The following NELL1 variants were observed in gnomAD, a reference collection of about 807,000 sequenced individuals.
The protein encoded by NELL1 is protein kinase C-binding protein NELL1.
In NELL1, 76 loss-of-function variants were observed where a neutral mutation model predicts 107.4. That is an observed-to-expected ratio of 0.71 (90% confidence interval 0.59 to 0.86). The LOEUF (loss-of-function observed/expected upper bound fraction) is 0.86. NELL1 is among the 40% of genes least tolerant of loss of function. The pLI, the probability that NELL1 is intolerant of heterozygous loss-of-function variation, is 0.00. For synonymous variants in NELL1, 353 were observed against 341.2 expected (o/e 1.03, Z -0.38); for missense variants, 1,024 against 1,005.5 (o/e 1.02, Z -0.25).
chr11:20,905,157 T>C (rs368432654), intron 5 of NELL1, among the ~76,000 whole-genome samples: 1 of 151,998 alleles, frequency 6.6e-6, no homozygotes, highest in African/African-American at 2.4e-5. Context: ...CTTTATAACA[T>C]AAGATTAGGA....
chr11:21,268,255 A>G (rs1451385873), intron 14 of NELL1, among the ~76,000 whole-genome samples: 1 of 152,146 alleles, frequency 6.6e-6, no homozygotes, highest in Non-Finnish European at 1.5e-5. Context: ...GGCGATAGAG[A>G]GGCCCTCACA....
chr11:21,275,401 A>T (rs535760105), intron 14 of NELL1, among the ~76,000 whole-genome samples: 1 of 152,328 alleles, frequency 6.6e-6, no homozygotes, highest in South Asian at 2.1e-4. Context: ...AATTGAGGCA[A>T]TAATTAATAG....
intron 3 of NELL1, among the ~76,000 whole-genome samples, chr11:20,806,800 G>T (rs1319259443): frequency 6.6e-6 from 1 of 151,928 alleles, no homozygotes; most frequent in East Asian, 1.9e-4. Flanking sequence ...TTCACTAATT[G>T]TTTCTTCTCC....
At chr11:20,800,900 T>C (rs192071168) in intron 3 of NELL1, among the ~76,000 whole-genome samples, 14 of 152,350 alleles carry the variant, frequency 9.2e-5, no homozygotes, top group Middle Eastern at 3.4e-3. Flanking sequence ...AGTTGGCTTG[T>C]AGAAGGGCTT....
chr11:21,139,533 C>G (rs1855820845), intron 13 of NELL1, among the ~76,000 whole-genome samples: 1 of 152,192 alleles, frequency 6.6e-6, no homozygotes, highest in Non-Finnish European at 1.5e-5. Flanking sequence ...ATACTTTACT[C>G]ATTTACCTTA....
At chr11:21,066,897 T>A (rs1203118856) in intron 12 of NELL1, among the ~76,000 whole-genome samples, 1 of 151,978 alleles carries the variant, frequency 6.6e-6, no homozygotes, top group Non-Finnish European at 1.5e-5. Context: ...GGGGTTGTAG[T>A]GAGCCAAGAT....
intron 3 of NELL1, among the ~76,000 whole-genome samples, chr11:20,807,021 T>C (rs1245585765): frequency 6.6e-6 from 1 of 152,190 alleles, no homozygotes; most frequent in African/African-American, 2.4e-5. Context: ...CATATCTCTA[T>C]CACTCTGGGT....
chr11:20,762,630 G>A (rs1002592791), intron 2 of NELL1, among the ~76,000 whole-genome samples: 3 of 152,202 alleles, frequency 2.0e-5, no homozygotes, highest in African/African-American at 7.2e-5. Flanking sequence ...TACCCACAGT[G>A]ACAGACTCCA....
At chr11:20,821,048 A>G (rs563652600) in intron 3 of NELL1, among the ~76,000 whole-genome samples, 2 of 152,320 alleles carry the variant, frequency 1.3e-5, no homozygotes, top group East Asian at 3.9e-4. Context: ...TGCCCTATTG[A>G]GAAGCAGGAA....
At position 21,266,206 on chromosome 11, in the gene NELL1, C is replaced by T. The variant is rs183418005; in HGVS notation, c.1549+36752C>T. Among the ~76,000 whole-genome samples, 9 of 151,520 alleles carry T rather than the reference C, an allele frequency of 5.9e-5. No homozygotes were observed. In the East Asian group the frequency reaches 1.6e-3, roughly 26 times the overall value. On this transcript the variant is annotated intron_variant, in intron 14 of 19. Coordinates refer to ENST00000357134, the MANE Select transcript of NELL1 (RefSeq NM_006157.5). ...CCATTTAGGTATTTTTTTTTTAACT[C>T]GGCTTAGAATGTAACCTCTGTGAAG...
intron 13 of NELL1, among the ~76,000 whole-genome samples, chr11:21,207,320 A>C (rs1402018460): frequency 1.3e-5 from 2 of 152,180 alleles, no homozygotes; most frequent in African/African-American, 4.8e-5. Context: ...AGAGACATCA[A>C]GTATGCTTTC....
At chr11:20,857,163 C>G (rs1590353255) in intron 4 of NELL1, among the ~76,000 whole-genome samples, 1 of 152,276 alleles carries the variant, frequency 6.6e-6, no homozygotes, top group East Asian at 1.9e-4. Flanking sequence ...GGAGAGCCAG[C>G]CTTGCAGGCC....
chr11:21,145,665 T>C (rs1855961828), intron 13 of NELL1, among the ~76,000 whole-genome samples: 1 of 152,196 alleles, frequency 6.6e-6, no homozygotes, highest in African/African-American at 2.4e-5. Flanking sequence ...TAGACATTTT[T>C]AGTAAGACAT....
At chr11:20,708,370 T>A (rs1020670304) in intron 2 of NELL1, among the ~76,000 whole-genome samples, 1 of 152,224 alleles carries the variant, frequency 6.6e-6, no homozygotes, top group African/African-American at 2.4e-5. Flanking sequence ...CCCAGTGAGA[T>A]GAACTGGGTA....
chr11:20,754,239 G>T (rs1856208432), intron 2 of NELL1, among the ~76,000 whole-genome samples: 1 of 152,178 alleles, frequency 6.6e-6, no homozygotes, highest in South Asian at 2.1e-4. Flanking sequence ...TCACAGACAA[G>T]TTGACTTTGA....
intron 2 of NELL1, among the ~76,000 whole-genome samples, chr11:20,769,772 C>T (rs971002043): frequency 1.3e-4 from 20 of 152,158 alleles, no homozygotes; most frequent in African/African-American, 4.8e-4. Context: ...GAGCCCCCCA[C>T]TTGTGCCTGG....
At chr11:20,862,116 A>C (rs1401028910) in intron 4 of NELL1, among the ~76,000 whole-genome samples, 1 of 152,184 alleles carries the variant, frequency 6.6e-6, no homozygotes, top group Non-Finnish European at 1.5e-5. Context: ...TTGTTTCTAG[A>C]TGCTTTTCTC....
At position 20,677,985 on chromosome 11, in the gene NELL1, G is replaced by A; in HGVS notation, c.109G>A (p.Asp37Asn). 6.2e-7 allele frequency: 1 copy of A among 1,614,074 alleles called. No individual in the cohort carries two copies. Among genetic ancestry groups the A allele is most frequent in the South Asian group, 1.1e-5 (1 of 91,060 alleles). Residue 37 changes from aspartate (D) to asparagine (N), a missense_variant, in exon 2 of 20, where the codon GAC becomes AAC. By Grantham distance (23) the Asp-to-Asn change is conservative (BLOSUM62 1). Coordinates refer to ENST00000357134, the MANE Select transcript of NELL1 (RefSeq NM_006157.5). ...DLQMDIVTEL[D>N]LVNTTLGVAQ... ...TCAGATGGATATCGTCACCGAGCTT[G>A]ACCTTGTGAACACCACCCTTGGAGT...
intron 14 of NELL1, among the ~76,000 whole-genome samples, chr11:21,357,803 T>C (rs1850971454): frequency 6.6e-6 from 1 of 152,232 alleles, no homozygotes. Context: ...CTTTGATCCA[T>C]CTTGAGTTGA....
Sources: gnomAD v4.1 joint callset for allele counts (sites outside exome capture counted in the v4.1 genomes callset) on GRCh38, gnomAD v4.1.1 for gene constraint, MANE v1.5 for transcripts, NCBI Gene and HGNC (gene_info 2026-07-23, HGNC 2026-07-21) for gene names.